AUTS2: variants seen among roughly 807,000 people sequenced by gnomAD.
AUTS2 encodes activator of transcription and developmental regulator AUTS2, also known as autism susceptibility gene 2 protein.
A neutral mutation model predicts 112.4 loss-of-function variants in AUTS2; 17 were observed. The observed-to-expected ratio is 0.15, with a 90% CI of 0.10 to 0.23. AUTS2 has a LOEUF of 0.23. Among genes scored for constraint, AUTS2 ranks in the 10% least tolerant of loss-of-function variants. AUTS2 has a pLI of 1.00. For synonymous variants in AUTS2, 751 were observed against 702.7 expected (o/e 1.07, Z -1.09); for missense variants, 1,510 against 1,701.6 (o/e 0.89, Z 1.98).
intron 4 of AUTS2, among the ~76,000 whole-genome samples, chr7:70,333,567 T>A (rs1790854441): frequency 6.6e-6 from 1 of 152,062 alleles, no homozygotes; most frequent in South Asian, 2.1e-4. Context: ...CAAATGCCCA[T>A]CAATGCTAGA....
chr7:69,843,729 C>T (rs1792078002), intron 1 of AUTS2, among the ~76,000 whole-genome samples: 1 of 152,114 alleles, frequency 6.6e-6, no homozygotes, highest in Non-Finnish European at 1.5e-5. Context: ...GTAACCTTCT[C>T]ATGGCCCTAG....
At chr7:70,387,720 T>C (rs1200344058) in intron 4 of AUTS2, among the ~76,000 whole-genome samples, 1 of 152,210 alleles carries the variant, frequency 6.6e-6, no homozygotes, top group African/African-American at 2.4e-5. Context: ...CCATCATGTA[T>C]ATAATAGCTT....
intron 4 of AUTS2, among the ~76,000 whole-genome samples, chr7:70,380,662 C>T (rs535406747): frequency 2.0e-5 from 3 of 152,222 alleles, no homozygotes; most frequent in Non-Finnish European, 2.9e-5. Context: ...CCAGGGACAA[C>T]GCCTAGTCTG....
intron 6 of AUTS2, chr7:70,699,427 G>A (rs750021296): frequency 1.3e-5 from 2 of 152,166 alleles, no homozygotes; most frequent in African/African-American, 2.4e-5. Flanking sequence ...TTACATGGGC[G>A]ACACTTGGTA....
At chr7:69,930,406 C>A (rs1415771353) in intron 2 of AUTS2, among the ~76,000 whole-genome samples, 3 of 152,118 alleles carry the variant, frequency 2.0e-5, no homozygotes, top group Non-Finnish European at 4.4e-5. Flanking sequence ...ATCGAGTTGG[C>A]CTGGTTCTGC....
intron 5 of AUTS2, among the ~76,000 whole-genome samples, chr7:70,645,856 A>C (rs1405818892): frequency 6.6e-6 from 1 of 152,206 alleles, no homozygotes; most frequent in African/African-American, 2.4e-5. Flanking sequence ...GTACTTTTCC[A>C]GGTCTTTTCA....
chr7:70,659,222 G>T (rs1028928861), intron 5 of AUTS2, among the ~76,000 whole-genome samples: 1 of 152,210 alleles, frequency 6.6e-6, no homozygotes, highest in African/African-American at 2.4e-5. Flanking sequence ...AATTCCCGCG[G>T]CCCTTGCAGG....
At chr7:70,551,181 G>A (rs2129519034) in intron 5 of AUTS2, among the ~76,000 whole-genome samples, 1 of 152,206 alleles carries the variant, frequency 6.6e-6, no homozygotes, top group East Asian at 1.9e-4. Context: ...AAATGGAGGA[G>A]AAGGAACAAA....
Position 70,351,196 on chromosome 7 carries a change from G to A in AUTS2, c.661-84556G>A, listed in dbSNP as rs189071960. ...CTCCCGAATAGCTGGGATTACAGGC[G>A]TGCGCCAATACGCCTGGCTAATTTT... On this transcript the variant is annotated intron_variant, in intron 4 of 18. Coordinates refer to ENST00000342771, the MANE Select transcript of AUTS2 (RefSeq NM_015570.4). Among the ~76,000 whole-genome samples the A allele has an allele frequency of 5.1e-3, 781 of 152,070 alleles. 9 individuals are homozygous for A. The highest frequency in any genetic ancestry group is 0.017 in the African/African-American group (719 of 41,500).
intron 6 of AUTS2, among the ~76,000 whole-genome samples, chr7:70,733,609 C>T (rs1245262417): frequency 3.8e-5 from 5 of 129,898 alleles, no homozygotes; most frequent in Non-Finnish European, 7.7e-5. Context: ...TTTTTTGAGA[C>T]GGAGTCTCAC....
chr7:70,156,537 GA>G (rs1807772076), intron 4 of AUTS2, among the ~76,000 whole-genome samples: 1 of 152,108 alleles, frequency 6.6e-6, no homozygotes, highest in African/African-American at 2.4e-5. Flanking sequence ...CTCTCAGCTA[GA>G]ACCATCGTTT....
At chr7:69,891,448 G>C (rs1297223396) in intron 1 of AUTS2, among the ~76,000 whole-genome samples, 1 of 152,164 alleles carries the variant, frequency 6.6e-6, no homozygotes, top group East Asian at 1.9e-4. Context: ...TTCATGTGTA[G>C]CTCTTCATGT....
chr7:70,740,836 A>G (rs951516304), intron 6 of AUTS2, among the ~76,000 whole-genome samples: 2 of 152,112 alleles, frequency 1.3e-5, no homozygotes, highest in African/African-American at 2.4e-5. Context: ...GCTCATGCCT[A>G]TAATCCCAGC....
intron 5 of AUTS2, among the ~76,000 whole-genome samples, chr7:70,503,471 T>C (rs1585226623): frequency 6.7e-6 from 1 of 150,154 alleles, no homozygotes; most frequent in Non-Finnish European, 1.5e-5. Context: ...GAGGTTGAGG[T>C]GGGAGGATCA....
intron 1 of AUTS2, among the ~76,000 whole-genome samples, chr7:69,752,971 C>A (rs1787802752): frequency 6.6e-6 from 1 of 152,128 alleles, no homozygotes; most frequent in Admixed American, 6.5e-5. Context: ...CAAAGGAACT[C>A]ATGTTTCCTG....
chr7:69,827,046 T>C (rs1791280610), intron 1 of AUTS2, among the ~76,000 whole-genome samples: 1 of 152,044 alleles, frequency 6.6e-6, no homozygotes, highest in East Asian at 1.9e-4. Flanking sequence ...CTTTTGGGAG[T>C]GTTTCTCCCA....
intron 4 of AUTS2, among the ~76,000 whole-genome samples, chr7:70,213,049 G>C (rs1810988017): frequency 6.6e-6 from 1 of 151,996 alleles, no homozygotes; most frequent in African/African-American, 2.4e-5. Context: ...TTAACATAAA[G>C]AAAAGATAAA....
chr7:70,638,049 T>G (rs577684635), intron 5 of AUTS2, among the ~76,000 whole-genome samples: 1 of 152,208 alleles, frequency 6.6e-6, no homozygotes, highest in Non-Finnish European at 1.5e-5. Flanking sequence ...GAGTTGGAAA[T>G]AAAGACACAG....
At chr7:70,017,666 GAC>G (rs1800088629) in intron 2 of AUTS2, among the ~76,000 whole-genome samples, 1 of 152,104 alleles carries the variant, frequency 6.6e-6, no homozygotes, top group Non-Finnish European at 1.5e-5. Context: ...GTTCTGCTCA[GAC>G]ACAAATATTT....
Sources: allele counts gnomAD v4.1 joint callset (sites outside exome capture counted in the v4.1 genomes callset), GRCh38; gene constraint gnomAD v4.1.1; transcripts MANE v1.5; gene names NCBI Gene and HGNC (gene_info 2026-07-23, HGNC 2026-07-21).